EPB41L2: variants seen among roughly 807,000 people sequenced by gnomAD.
The protein encoded by EPB41L2 is erythrocyte membrane protein band 4.1 like 2.
A neutral mutation model predicts 113.0 loss-of-function variants in EPB41L2; 43 were observed. The ratio of observed to expected loss-of-function variants is 0.38; its 90% CI spans 0.30 to 0.49. EPB41L2 has a LOEUF of 0.49. Among genes scored for constraint, EPB41L2 ranks in the 20% least tolerant of loss-of-function variants. The probability of loss-of-function intolerance (pLI) is 0.95; values close to 1 mark genes in which losing one functional copy is unlikely to be tolerated. For missense variants in EPB41L2, 1,147 were observed against 1,223.4 expected, an observed-to-expected ratio of 0.94 and a Z score of 0.93; for synonymous variants, 442 against 436.7, an observed-to-expected ratio of 1.01 and a Z score of -0.15.
Position 130,927,935 on chromosome 6 carries a change from A to G in EPB41L2, c.706-1226T>C, listed in dbSNP as rs986747398. Among the ~76,000 whole-genome samples the G allele has an allele frequency of 2.6e-5, 4 of 152,190 alleles. No individual in the cohort carries two copies. In the East Asian group the frequency reaches 7.7e-4, roughly 29 times the overall value. ...TGGTGAAACCTCATCTCTACAAAAA[A>G]TACAAACGTTAGCCAGGTGTGGTGG... On this transcript the variant is annotated intron_variant, in intron 3 of 19. Coordinates refer to ENST00000337057, the MANE Select transcript of EPB41L2 (RefSeq NM_001431.4).
At chr6:130,884,963 G>A in intron 12 of EPB41L2, 133 bp downstream of exon 12, 1 of 1,029,218 alleles carries the variant, frequency 9.7e-7, no homozygotes, top group South Asian at 1.6e-5. Context: ...ATGCATATTT[G>A]AAAACATAAA....
At chr6:130,877,962 T>C (rs1788080708) in intron 14 of EPB41L2, 142 bp downstream of exon 14, 1 of 761,310 alleles carries the variant, frequency 1.3e-6, no homozygotes, top group African/African-American at 1.8e-5. Context: ...ATATTTAGTA[T>C]TTACAAAATT....
intron 1 of EPB41L2, among the ~76,000 whole-genome samples, chr6:131,004,095 C>A (rs1026111825): frequency 6.6e-6 from 1 of 152,226 alleles, no homozygotes; most frequent in Non-Finnish European, 1.5e-5. Context: ...TAATATCTGG[C>A]AGGCCTGTGA....
intron 3 of EPB41L2, among the ~76,000 whole-genome samples, chr6:130,950,848 T>C (rs1330960662): frequency 6.6e-6 from 1 of 152,154 alleles, no homozygotes; most frequent in Non-Finnish European, 1.5e-5. Context: ...TAGAAAATAA[T>C]GTAGATTACA....
chr6:130,993,356 A>T (rs1782321381), intron 1 of EPB41L2, among the ~76,000 whole-genome samples: 2 of 152,176 alleles, frequency 1.3e-5, no homozygotes, highest in Non-Finnish European at 1.5e-5. Context: ...AACCCAACAT[A>T]TATTTCTAAA....
chr6:131,051,452 C>CAA (rs547631535), intron 1 of EPB41L2, among the ~76,000 whole-genome samples: 4,347 of 101,572 alleles, frequency 0.043, 274 homozygotes, highest in African/African-American at 0.14. Context: ...AAAAGTAAAG[C>CAA]AAAAAAAAAA....
At chr6:130,875,720 C>T (rs1047466549) in intron 14 of EPB41L2, among the ~76,000 whole-genome samples, 11 of 152,052 alleles carry the variant, frequency 7.2e-5, no homozygotes, top group South Asian at 2.1e-4. Flanking sequence ...AATCACCAGC[C>T]GGGTGTGGTG....
At chr6:131,021,673 A>G (rs1301306234) in intron 1 of EPB41L2, among the ~76,000 whole-genome samples, 1 of 152,140 alleles carries the variant, frequency 6.6e-6, no homozygotes, top group African/African-American at 2.4e-5. Flanking sequence ...GAAAAAAAAA[A>G]AGTAATACAA....
chr6:131,056,447 A>C lies in EPB41L2; in HGVS notation c.-15+6708T>G, dbSNP rs1441337592. Among the ~76,000 whole-genome samples the C allele has an allele frequency of 9.2e-5, 14 of 152,232 alleles. 1 individual carries two copies. The highest frequency in any genetic ancestry group is 9.2e-4 in the Admixed American group (14 of 15,292). On this transcript the variant is annotated intron_variant, in intron 1 of 19. Transcript: ENST00000337057. ...TTAACAAAAAGAATGAAGTTAAGACAAGAGTTTCTAAAAGCTCAAACATTA... is the reference window on the plus strand; with the variant it reads ...TTAACAAAAAGAATGAAGTTAAGACCAGAGTTTCTAAAAGCTCAAACATTA...
At chr6:131,001,189 C>A (rs534328383) in intron 1 of EPB41L2, among the ~76,000 whole-genome samples, 7 of 152,150 alleles carry the variant, frequency 4.6e-5, no homozygotes, top group Non-Finnish European at 1.0e-4. Flanking sequence ...GATGTGGCTG[C>A]TTCTCCATGA....
rs41285328 is a variant in EPB41L2, at chr6:130,909,063, C to T, written c.811-200G>A. On this transcript the variant is annotated intron_variant, in intron 4 of 19. Coordinates refer to ENST00000337057, the MANE Select transcript of EPB41L2 (RefSeq NM_001431.4). ...TGTGTGTAAATGTGGTAAGTGTGTA[C>T]TATAAGTAAAATATTCACATGCTTT... Among the ~76,000 whole-genome samples, 1,297 of 152,230 alleles carry T rather than the reference C, an allele frequency of 8.5e-3. 10 individuals carry two copies. The highest frequency in any genetic ancestry group is 0.021 in the South Asian group (99 of 4,818).
intron 1 of EPB41L2, among the ~76,000 whole-genome samples, chr6:130,964,409 G>T (rs1774456903): frequency 6.6e-6 from 1 of 151,638 alleles, no homozygotes; most frequent in South Asian, 2.1e-4. Context: ...AATAAAACAG[G>T]ATTAGAATTT....
intron 1 of EPB41L2, among the ~76,000 whole-genome samples, chr6:131,047,815 A>T (rs545634639): frequency 6.6e-6 from 1 of 152,342 alleles, no homozygotes; most frequent in South Asian, 2.1e-4. Context: ...AAAAGAAGGG[A>T]AGAAAGAAGG....
At chr6:130,987,692 CATAA>C (rs745734387) in intron 1 of EPB41L2, among the ~76,000 whole-genome samples, 7 of 125,694 alleles carry the variant, frequency 5.6e-5, no homozygotes, top group African/African-American at 1.5e-4. Flanking sequence ...GACTCTGTCT[CATAA>C]ATGAATGAAT....
intron 3 of EPB41L2, among the ~76,000 whole-genome samples, chr6:130,952,809 C>CA (rs200951794): frequency 0.22 from 30,273 of 140,576 alleles, 3,293 homozygotes; most frequent in East Asian, 0.45. Flanking sequence ...GACTCCATCT[C>CA]AAAAAAAAAA....
At chr6:130,887,116 T>G (rs749378102) in intron 11 of EPB41L2, among the ~76,000 whole-genome samples, 21 of 152,216 alleles carry the variant, frequency 1.4e-4, no homozygotes, top group Non-Finnish European at 2.9e-4. Context: ...TGTAATGATA[T>G]TAAAATTTGA....
At chr6:131,034,829 G>C (rs559171320) in intron 1 of EPB41L2, among the ~76,000 whole-genome samples, 11 of 152,234 alleles carry the variant, frequency 7.2e-5, no homozygotes, top group African/African-American at 2.6e-4. Flanking sequence ...AATTAAGCTG[G>C]CACAATATCC....
At chr6:131,038,798 T>C (rs1793851131) in intron 1 of EPB41L2, among the ~76,000 whole-genome samples, 1 of 152,194 alleles carries the variant, frequency 6.6e-6, no homozygotes, top group African/African-American at 2.4e-5. Context: ...TCAAAGTATT[T>C]CAAACTGGCA....
intron 4 of EPB41L2, among the ~76,000 whole-genome samples, chr6:130,922,841 C>T (rs1015368442): frequency 6.6e-6 from 1 of 152,164 alleles, no homozygotes; most frequent in African/African-American, 2.4e-5. Context: ...ATGATATTCA[C>T]ATCAGGAAAT....
Sources: gnomAD v4.1 joint callset for allele counts (sites outside exome capture counted in the v4.1 genomes callset) on GRCh38, gnomAD v4.1.1 for gene constraint, MANE v1.5 for transcripts, NCBI Gene and HGNC (gene_info 2026-07-23, HGNC 2026-07-21) for gene names.